LRRC4C: variants seen among roughly 807,000 people sequenced by gnomAD.
LRRC4C encodes leucine-rich repeat-containing protein 4C.
In LRRC4C, 5 loss-of-function variants were observed where a neutral mutation model predicts 33.6. The ratio of observed to expected loss-of-function variants is 0.15; its 90% CI spans 0.08 to 0.31. The LOEUF (loss-of-function observed/expected upper bound fraction) is 0.31. Ranked by LOEUF, LRRC4C falls within the 10% of genes least tolerant of loss-of-function variation. LRRC4C has a pLI of 1.00. For missense variants in LRRC4C, 560 were observed against 796.7 expected (o/e 0.70, Z 3.58); for synonymous variants, 329 against 302.0 (o/e 1.09, Z -0.93).
chr11:41,133,681 G>C, intron 1 of LRRC4C, among the ~76,000 whole-genome samples: 1 of 152,060 alleles, frequency 6.6e-6, no homozygotes, highest in East Asian at 1.9e-4. Context: ...CAGACTCTTT[G>C]TGACAATAAA....
At chr11:41,227,736 T>A (rs1947606147) in intron 1 of LRRC4C, among the ~76,000 whole-genome samples, 1 of 152,094 alleles carries the variant, frequency 6.6e-6, no homozygotes, top group South Asian at 2.1e-4. Flanking sequence ...CCACTTTGCA[T>A]TCCTTCCCAA....
chr11:40,173,704 C>T (rs1483812491), intron 5 of LRRC4C, among the ~76,000 whole-genome samples: 1 of 152,048 alleles, frequency 6.6e-6, no homozygotes, highest in Non-Finnish European at 1.5e-5. Flanking sequence ...CAGTGCCATC[C>T]CCTAGGAAGA....
chr11:40,972,888 A>C (rs1851823845), intron 1 of LRRC4C, among the ~76,000 whole-genome samples: 1 of 152,124 alleles, frequency 6.6e-6, no homozygotes, highest in African/African-American at 2.4e-5. Context: ...CTCATGTCAA[A>C]TTGTAATCTT....
intron 2 of LRRC4C, among the ~76,000 whole-genome samples, chr11:40,814,594 C>A (rs565680096): frequency 2.0e-4 from 30 of 152,038 alleles, no homozygotes; most frequent in African/African-American, 7.2e-4. Context: ...GCTTGAATTT[C>A]TCCCCAGAAA....
chr11:40,822,655 G>A (rs928434673), intron 2 of LRRC4C, among the ~76,000 whole-genome samples: 3 of 151,526 alleles, frequency 2.0e-5, no homozygotes, highest in Non-Finnish European at 4.4e-5. Flanking sequence ...GGTTTTCTTT[G>A]CTGTGCAGAA....
chr11:40,966,262 T>C (rs1046771810), intron 1 of LRRC4C, among the ~76,000 whole-genome samples: 14 of 152,004 alleles, frequency 9.2e-5, no homozygotes, highest in Non-Finnish European at 2.1e-4. Flanking sequence ...TTTGCATCTT[T>C]ACATTTTTAA....
intron 2 of LRRC4C, among the ~76,000 whole-genome samples, chr11:40,649,482 CCCCTTGTT>C (rs1942657623): frequency 1.3e-5 from 2 of 152,102 alleles, no homozygotes; most frequent in Non-Finnish European, 2.9e-5. Flanking sequence ...ATGGTTGTCT[CCCCTTGTT>C]CCCTGAAAAT....
chr11:41,192,745 A>G (rs1946014743), intron 1 of LRRC4C, among the ~76,000 whole-genome samples: 1 of 152,112 alleles, frequency 6.6e-6, no homozygotes, highest in Non-Finnish European at 1.5e-5. Flanking sequence ...TTACAGGACA[A>G]CTTAAATCCA....
intron 2 of LRRC4C, among the ~76,000 whole-genome samples, chr11:40,674,121 C>T (rs1466286706): frequency 6.6e-6 from 1 of 152,216 alleles, no homozygotes; most frequent in Non-Finnish European, 1.5e-5. Context: ...TTGGTGATCC[C>T]TTCACTGGAA....
At chr11:40,940,104 C>T (rs549708340) in intron 1 of LRRC4C, among the ~76,000 whole-genome samples, 9 of 152,228 alleles carry the variant, frequency 5.9e-5, no homozygotes, top group Non-Finnish European at 1.2e-4. Flanking sequence ...ATAATACCTG[C>T]TGTTACTTTA....
rs116325790 is a variant in LRRC4C at position 41,192,236 on chromosome 11, C to T, written c.-495-258513G>A. Among the ~76,000 whole-genome samples, 984 of 152,160 alleles carry T rather than the reference C, an allele frequency of 6.5e-3. 12 individuals carry two copies. The highest frequency in any genetic ancestry group is 0.021 in the African/African-American group (887 of 41,546). ...GTTCATTAAGGTCTTCTCATGCTTG[C>T]ATGTAAGCCCCAGGAGAGCACATAC... is the stretch of plus-strand genomic sequence containing the variant. On this transcript the variant is annotated intron_variant, in intron 1 of 6. Transcript: ENST00000528697.
chr11:41,013,556 T>C (rs1429413756), intron 1 of LRRC4C, among the ~76,000 whole-genome samples: 1 of 152,176 alleles, frequency 6.6e-6, no homozygotes, highest in East Asian at 1.9e-4. Flanking sequence ...TTACTAAATA[T>C]TGTGTCATAG....
intron 5 of LRRC4C, among the ~76,000 whole-genome samples, chr11:40,150,328 T>C (rs922015131): frequency 2.0e-5 from 3 of 152,244 alleles, no homozygotes; most frequent in Non-Finnish European, 2.9e-5. Flanking sequence ...AGATTTTTTG[T>C]GTAAAACCAT....
chr11:41,279,411 CA>C (rs1591141156), intron 1 of LRRC4C, among the ~76,000 whole-genome samples: 1 of 148,468 alleles, frequency 6.7e-6, no homozygotes, highest in East Asian at 2.1e-4. Context: ...CACACACACA[CA>C]CACACACACA....
At chr11:40,842,598 T>C (rs1030259899) in intron 2 of LRRC4C, among the ~76,000 whole-genome samples, 1 of 152,156 alleles carries the variant, frequency 6.6e-6, no homozygotes, top group African/African-American at 2.4e-5. Context: ...AATATATTAT[T>C]ATTAACTATG....
intron 3 of LRRC4C, among the ~76,000 whole-genome samples, chr11:40,533,258 T>A (rs557410605): frequency 3.3e-5 from 5 of 152,260 alleles, no homozygotes; most frequent in Non-Finnish European, 7.4e-5. Context: ...TTTAGAATAA[T>A]TATAACATTC....
Position 41,143,153 on chromosome 11 carries a change from G to A in LRRC4C, c.-495-209430C>T, listed in dbSNP as rs146762913. On this transcript the variant is annotated intron_variant, in intron 1 of 6. Transcript: ENST00000528697. ...AAAGTGCCACAATAATCTCTCTGAA[G>A]CAATGCAGAATACAACAAGTTTCAG... Among the ~76,000 whole-genome samples, 410 of 151,636 alleles carry A rather than the reference G, an allele frequency of 2.7e-3. 3 individuals carry two copies. Among genetic ancestry groups the A allele is most frequent in the African/African-American group, 9.4e-3 (390 of 41,326 alleles).
At chr11:40,419,185 A>G (rs77284971) in intron 3 of LRRC4C, among the ~76,000 whole-genome samples, 4,615 of 152,266 alleles carry the variant, frequency 0.03, 208 homozygotes, top group African/African-American at 0.1. Flanking sequence ...AAACTGTAAG[A>G]AAATGTCAAA....
chr11:40,886,995 TACACAC>T (rs369413177), intron 2 of LRRC4C, among the ~76,000 whole-genome samples: 1 of 144,148 alleles, frequency 6.9e-6, no homozygotes, highest in Non-Finnish European at 1.5e-5. Flanking sequence ...TGTATATATC[TACACAC>T]ACACACACAC....
Sources: gnomAD v4.1 joint callset for allele counts (sites outside exome capture counted in the v4.1 genomes callset) on GRCh38, gnomAD v4.1.1 for gene constraint, MANE v1.5 for transcripts, NCBI Gene and HGNC (gene_info 2026-07-23, HGNC 2026-07-21) for gene names.